Variants in ARHGEF28 observed in about 807,000 individuals in gnomAD.
The protein encoded by ARHGEF28 is 190 kDa guanine nucleotide exchange factor.
In ARHGEF28, 152 loss-of-function variants were observed where a neutral mutation model predicts 206.6. The ratio of observed to expected loss-of-function variants is 0.74; its 90% CI spans 0.64 to 0.84. ARHGEF28 has a LOEUF of 0.84. ARHGEF28 is among the 40% of genes least tolerant of loss of function. The probability of loss-of-function intolerance (pLI) is 0.00; values close to 1 mark genes in which losing one functional copy is unlikely to be tolerated. For missense variants in ARHGEF28, 2,028 were observed against 2,073.2 expected (o/e 0.98, Z 0.42); for synonymous variants, 763 against 776.4 (o/e 0.98, Z 0.29).
intron 9 of ARHGEF28, among the ~76,000 whole-genome samples, chr5:73,820,861 C>T (rs1322620582): frequency 6.6e-6 from 1 of 152,068 alleles, no homozygotes; most frequent in Non-Finnish European, 1.5e-5. Context: ...TGCTGCTTGA[C>T]CTTTTTCTTC....
chr5:73,750,333 C>T (rs977559755), intron 3 of ARHGEF28, among the ~76,000 whole-genome samples: 37 of 152,164 alleles, frequency 2.4e-4, no homozygotes, highest in Middle Eastern at 3.4e-3. Flanking sequence ...AGACTCATTG[C>T]CAGGGTTGGC....
At chr5:73,683,524 A>G (rs1028215749) in intron 1 of ARHGEF28, among the ~76,000 whole-genome samples, 2 of 151,584 alleles carry the variant, frequency 1.3e-5, no homozygotes, top group Non-Finnish European at 2.9e-5. Flanking sequence ...CAATTGTAGC[A>G]TGTGTTGGAA....
intron 9 of ARHGEF28, among the ~76,000 whole-genome samples, chr5:73,815,754 G>A (rs1756165511): frequency 6.6e-6 from 1 of 152,146 alleles, no homozygotes; most frequent in African/African-American, 2.4e-5. Flanking sequence ...GTTGAAGCAT[G>A]GCCAGTACGA....
chr5:73,829,295 T>G lies in ARHGEF28; in HGVS notation c.1025-3043T>G, dbSNP rs550596862. 4.6e-5 allele frequency among the ~76,000 whole-genome samples: 7 copies of G among 152,358 alleles called. No individual in the cohort carries two copies. The East Asian group carries it at 5.8e-4, about 13-fold the overall frequency. On this transcript the variant is annotated intron_variant, in intron 9 of 35. Coordinates refer to ENST00000513042, the MANE Select transcript of ARHGEF28 (RefSeq NM_001177693.2). ...GTGGTACCCTTGCATCTTTAACATT[T>G]CTTGAATCCTTCAGAATCTCCCTTT...
At chr5:73,647,918 A>G (rs1415701009) in intron 1 of ARHGEF28, among the ~76,000 whole-genome samples, 8 of 152,372 alleles carry the variant, frequency 5.3e-5, no homozygotes, top group African/African-American at 1.9e-4. Context: ...CAAAGATTGC[A>G]TCATCTTTTC....
chr5:73,925,841 C>T, intron 35 of ARHGEF28, among the ~76,000 whole-genome samples: 1 of 152,204 alleles, frequency 6.6e-6, no homozygotes, highest in East Asian at 1.9e-4. Flanking sequence ...GTTTACTTAT[C>T]CCTTCCTTGT....
At chr5:73,801,060 A>T (rs1398361945) in intron 9 of ARHGEF28, among the ~76,000 whole-genome samples, 1 of 152,176 alleles carries the variant, frequency 6.6e-6, no homozygotes. Flanking sequence ...TTCTCTTCTT[A>T]TATTAACCAA....
intron 1 of ARHGEF28, among the ~76,000 whole-genome samples, chr5:73,634,872 CA>C (rs777415814): frequency 3.9e-5 from 6 of 152,188 alleles, no homozygotes; most frequent in Non-Finnish European, 5.9e-5. Flanking sequence ...AGCCCCAAGC[CA>C]ACCTATTCCT....
chr5:73,872,905 G>T, intron 21 of ARHGEF28, 94 bp from the exon 22 acceptor site: 3 of 1,358,498 alleles, frequency 2.2e-6, no homozygotes, highest in Admixed American at 5.0e-5. Flanking sequence ...TTTTTTATTT[G>T]CGTAACATAT....
intron 2 of ARHGEF28, among the ~76,000 whole-genome samples, chr5:73,716,129 A>ATT (rs111598829): frequency 0.017 from 2,575 of 150,630 alleles, 69 homozygotes; most frequent in African/African-American, 0.056. Flanking sequence ...GGGAAGACTA[A>ATT]TTTTTTTTTT....
intron 35 of ARHGEF28, chr5:73,922,936 A>G: frequency 3.0e-6 from 2 of 656,984 alleles, no homozygotes; most frequent in Non-Finnish European, 2.6e-6. Flanking sequence ...GCTTCTGTTC[A>G]GCATAAGCCC....
In ARHGEF28 at chr5:73,886,039, G is replaced by GT; in HGVS notation, c.3246dup (p.Glu1083Ter). On this transcript the variant is annotated frameshift_variant, in exon 25 of 36. Coordinates refer to ENST00000513042, the MANE Select transcript of ARHGEF28 (RefSeq NM_001177693.2). LOFTEE classifies it high-confidence loss of function. ...GTGTTTAGGAAGCAGGCACTGATGA[G>GT]TGAAGAAAGGACTCTGTTATATGAT... 6.2e-7 allele frequency: 1 copy of GT among 1,613,954 alleles called. No individual in the cohort carries two copies.
At chr5:73,692,280 T>C (rs532077861) in intron 2 of ARHGEF28, among the ~76,000 whole-genome samples, 6 of 152,096 alleles carry the variant, frequency 3.9e-5, no homozygotes, top group Non-Finnish European at 5.9e-5. Flanking sequence ...TGTGAGACTG[T>C]GTGTGTGGGC....
chr5:73,825,464 G>A (rs1054390508), intron 9 of ARHGEF28, among the ~76,000 whole-genome samples: 3 of 152,158 alleles, frequency 2.0e-5, no homozygotes, highest in African/African-American at 7.2e-5. Flanking sequence ...GGAGAGAGTG[G>A]AGGAGGGGCA....
intron 14 of ARHGEF28, 116 bp from the exon 15 acceptor site, chr5:73,857,540 A>C: frequency 8.8e-7 from 1 of 1,134,242 alleles, no homozygotes; most frequent in South Asian, 2.1e-5. Flanking sequence ...AACCTGAAAA[A>C]ATACATACAC....
At position 73,732,742 on chromosome 5, in the gene ARHGEF28, A is replaced by G. The variant is rs555194435; in HGVS notation, c.34-17095A>G. On this transcript the variant is annotated intron_variant, in intron 2 of 35. Transcript: ENST00000513042. Reference sequence around the variant, plus strand: ...TTGTTCCTAGAACAGTGTTTTGAATATATTTTAATAAGGGCTTAATATATG... The same window carrying G: ...TTGTTCCTAGAACAGTGTTTTGAATGTATTTTAATAAGGGCTTAATATATG... 2.6e-5 allele frequency among the ~76,000 whole-genome samples: 4 copies of G among 152,358 alleles called. No individual in the cohort carries two copies. The East Asian group carries it at 5.8e-4, about 22-fold the overall frequency.
intron 7 of ARHGEF28, 99 bp from the exon 8 acceptor site, chr5:73,794,303 A>T: frequency 1.1e-6 from 1 of 936,054 alleles, no homozygotes; most frequent in Admixed American, 2.5e-5. Flanking sequence ...TCTGTGCAGA[A>T]GGCTCCTGGG....
At chr5:73,662,297 G>GAGC (rs1745659683) in intron 1 of ARHGEF28, among the ~76,000 whole-genome samples, 1 of 152,192 alleles carries the variant, frequency 6.6e-6, no homozygotes, top group Non-Finnish European at 1.5e-5. Flanking sequence ...TGATATGGGA[G>GAGC]AGCCATAGGA....
intron 1 of ARHGEF28, among the ~76,000 whole-genome samples, chr5:73,630,359 T>C (rs773826792): frequency 9.9e-5 from 15 of 152,144 alleles, no homozygotes; most frequent in Non-Finnish European, 1.8e-4. Flanking sequence ...CTGGGTTAAA[T>C]AGCCCCAACT....
Sources: gnomAD v4.1 joint callset for allele counts (sites outside exome capture counted in the v4.1 genomes callset) on GRCh38, gnomAD v4.1.1 for gene constraint, MANE v1.5 for transcripts, NCBI Gene and HGNC (gene_info 2026-07-23, HGNC 2026-07-21) for gene names.